The following ASPRV1 variants were observed in gnomAD, a reference collection of about 807,000 sequenced individuals.
ASPRV1 encodes aspartic peptidase retroviral like 1.
ASPRV1 carries 7 observed loss-of-function variants against 11.0 expected under a neutral mutation model. The observed-to-expected ratio is 0.64, with a 90% CI of 0.36 to 1.20. The LOEUF (loss-of-function observed/expected upper bound fraction) is 1.20. ASPRV1 is among the 50% of genes most tolerant of loss of function. ASPRV1 has a pLI of 0.02. For synonymous variants in ASPRV1, 136 were observed against 138.4 expected (o/e 0.98, Z 0.12); for missense variants, 299 against 320.0 (o/e 0.93, Z 0.50).
At chr2:69,933,408 C>T in the ASPRV1 span, among the ~76,000 whole-genome samples, 21 of 152,084 alleles carry the variant, frequency 1.4e-4, no homozygotes, top group Non-Finnish European at 2.6e-4. Context: ...CCCTGGTCCC[C>T]ACCACATGCA....
chr2:69,963,293 C>T, upstream of ASPRV1: 1 of 456,556 alleles, frequency 2.2e-6, no homozygotes, highest in Non-Finnish European at 4.4e-6. Context: ...GTGTTGAGAG[C>T]AGGTGGTTCT....
chr2:70,037,956 C>T, the ASPRV1 span, among the ~76,000 whole-genome samples: 2 of 152,124 alleles, frequency 1.3e-5, no homozygotes, highest in Non-Finnish European at 2.9e-5. Context: ...CCTGCTGAAA[C>T]CTAGGTCTGT....
the ASPRV1 span, among the ~76,000 whole-genome samples, chr2:69,997,178 C>A: frequency 7.4e-6 from 1 of 135,404 alleles, no homozygotes; most frequent in Non-Finnish European, 1.5e-5. Flanking sequence ...AGAGCAAGAC[C>A]CAGTCTATTA....
the ASPRV1 span, among the ~76,000 whole-genome samples, chr2:70,045,099 G>A: frequency 8.1e-3 from 1,239 of 152,138 alleles, 17 homozygotes; most frequent in African/African-American, 0.028. Context: ...GAATGTTCTG[G>A]CTAAACACGT....
the ASPRV1 span, among the ~76,000 whole-genome samples, chr2:70,066,231 A>G: frequency 3.3e-5 from 5 of 151,936 alleles, no homozygotes; most frequent in Non-Finnish European, 5.9e-5. Flanking sequence ...CAATGGAAAC[A>G]TCACTAACAT....
At chr2:70,012,079 A>G in the ASPRV1 span, 1 of 151,958 alleles carries the variant, frequency 6.6e-6, no homozygotes, top group South Asian at 2.1e-4. Context: ...ATGGTCGTAT[A>G]GGCCATGGCT....
At chr2:70,049,215 T>G in the ASPRV1 span, 1 of 125,092 alleles carries the variant, frequency 8.0e-6, no homozygotes, top group Non-Finnish European at 1.6e-5. Flanking sequence ...TAAGATCACT[T>G]TCATAGGTTC....
At chr2:69,936,480 CCT>C in the ASPRV1 span, among the ~76,000 whole-genome samples, 3 of 152,192 alleles carry the variant, frequency 2.0e-5, no homozygotes, top group South Asian at 6.2e-4. Context: ...AGCCAAAATC[CCT>C]GTTTAGCATG....
At chr2:70,019,576 C>T in the ASPRV1 span, among the ~76,000 whole-genome samples, 1 of 152,200 alleles carries the variant, frequency 6.6e-6, no homozygotes. Flanking sequence ...GAGTACCATT[C>T]ATCCTTTAAA....
the ASPRV1 span, among the ~76,000 whole-genome samples, chr2:69,996,377 G>A: frequency 6.6e-6 from 1 of 151,926 alleles, no homozygotes; most frequent in South Asian, 2.1e-4. Flanking sequence ...GGGTGACAGA[G>A]TAAGACCTTG....
the ASPRV1 span, among the ~76,000 whole-genome samples, chr2:69,995,832 G>A: frequency 3.3e-5 from 5 of 152,188 alleles, no homozygotes; most frequent in Non-Finnish European, 5.9e-5. Flanking sequence ...TGAGGCCAGC[G>A]TTAGGGGGAG....
chr2:69,951,478 T>C, the ASPRV1 span, among the ~76,000 whole-genome samples: 1 of 98,048 alleles, frequency 1.0e-5, no homozygotes, highest in Admixed American at 1.1e-4. Context: ...TGTGTGTGTG[T>C]GTGTGTATAT....
chr2:70,058,858 T>A, the ASPRV1 span, among the ~76,000 whole-genome samples: 1 of 149,010 alleles, frequency 6.7e-6, no homozygotes, highest in Admixed American at 6.8e-5. Context: ...GGCCAGAAAT[T>A]TTTTTTTAAG....
At chr2:70,040,214 G>C in the ASPRV1 span, among the ~76,000 whole-genome samples, 1 of 152,024 alleles carries the variant, frequency 6.6e-6, no homozygotes, top group Non-Finnish European at 1.5e-5. Context: ...TATATAGAGG[G>C]AGTAGAGACA....
the ASPRV1 span, among the ~76,000 whole-genome samples, chr2:69,992,665 AC>A: frequency 6.6e-6 from 1 of 152,024 alleles, no homozygotes; most frequent in South Asian, 2.1e-4. Context: ...ATCAAGCCCT[AC>A]TCCATTCTCG....
At chr2:69,963,145 C>T (rs943370352), upstream of ASPRV1, 10 of 409,598 alleles carry the variant, frequency 2.4e-5, no homozygotes, top group African/African-American at 6.2e-5. Flanking sequence ...CTGTGCTGTC[C>T]CCAGCCCCTT....
At chr2:69,939,543 T>G in the ASPRV1 span, 1 of 152,664 alleles carries the variant, frequency 6.6e-6, no homozygotes, top group East Asian at 1.9e-4. Flanking sequence ...TATAAACTAA[T>G]GTAATGGAAA....
At chr2:69,969,896 A>AAT in the ASPRV1 span, among the ~76,000 whole-genome samples, 3 of 143,800 alleles carry the variant, frequency 2.1e-5, no homozygotes, top group African/African-American at 7.6e-5. Context: ...ATTCTCTTAA[A>AAT]TTTTTTTTTT....
At chr2:69,947,762 TTTTG>T in the ASPRV1 span, among the ~76,000 whole-genome samples, 37 of 152,182 alleles carry the variant, frequency 2.4e-4, no homozygotes, top group African/African-American at 6.3e-4. Flanking sequence ...TTTTTGGTTT[TTTTG>T]TTTGTTTGTT....
Sources: allele counts gnomAD v4.1 joint callset (sites outside exome capture counted in the v4.1 genomes callset), GRCh38; gene constraint gnomAD v4.1.1; transcripts MANE v1.5; gene names NCBI Gene and HGNC (gene_info 2026-07-23, HGNC 2026-07-21).